Variants in DSCAM observed in about 807,000 individuals in gnomAD.
DSCAM encodes the protein cell adhesion molecule DSCAM.
Under a neutral mutation model 217.7 loss-of-function variants are expected in DSCAM, and 47 were observed. That is an observed-to-expected ratio of 0.22 (90% CI 0.17 to 0.28). The LOEUF is 0.28. Ranked by LOEUF, DSCAM falls within the 10% of genes least tolerant of loss-of-function variation. The pLI is 1.00. For missense variants in DSCAM, 2,080 were observed against 2,618.3 expected (o/e 0.79, Z 4.49); for synonymous variants, 1,056 against 1,015.3 (o/e 1.04, Z -0.76).
chr21:40,599,517 CAA>C (rs1238020336), intron 3 of DSCAM, among the ~76,000 whole-genome samples: 1 of 152,026 alleles, frequency 6.6e-6, no homozygotes, highest in Non-Finnish European at 1.5e-5. Flanking sequence ...AGAAAGATCT[CAA>C]ATCGACACCC....
In DSCAM at chr21:40,646,417, A is replaced by T. The variant is rs1301993818; in HGVS notation, c.508+46393T>A. On this transcript the variant is annotated intron_variant, in intron 3 of 32. Transcript: ENST00000400454. ...CAGAGTGAGAGACTCTGTCAAAAAA[A>T]AAAAAAAAAAAGGGGGGCTGTTCAC... 6.6e-3 allele frequency among the ~76,000 whole-genome samples: 996 copies of T among 151,748 alleles called. 14 individuals are homozygous for T. The highest frequency in any genetic ancestry group is 0.022 in the African/African-American group (921 of 41,312).
intron 19 of DSCAM, among the ~76,000 whole-genome samples, 192 bp downstream of exon 19, chr21:40,133,662 G>A (rs370599015): frequency 1.3e-5 from 2 of 151,946 alleles, no homozygotes; most frequent in African/African-American, 4.8e-5. Flanking sequence ...GGAAGAAGAA[G>A]CAATGGATTA....
Position 40,157,360 on chromosome 21 carries a change from G to C in DSCAM, c.3018+9858C>G, listed in dbSNP as rs553296311. On this transcript the variant is annotated intron_variant, in intron 16 of 32. Coordinates refer to ENST00000400454, the MANE Select transcript of DSCAM (RefSeq NM_001389.5). ...TGCTGTGGACAGAACCAGCATGTGA[G>C]GTAGAACTTACTGGGTGTGCTGCAG... Among the ~76,000 whole-genome samples the C allele has an allele frequency of 3.3e-5, 5 of 152,304 alleles. No homozygotes were observed. The East Asian group carries it at 9.7e-4, about 29-fold the overall frequency.
In DSCAM at chr21:40,353,794, T is replaced by C. The variant is rs746607945; in HGVS notation, c.656-51A>G. ...AGGCAGGAATGAGGAGTTGAAGTGG[T>C]CATTTAGAATTGTAGGACTTCATGT... On this transcript the variant is annotated intron_variant, in intron 4 of 32. Coordinates refer to ENST00000400454, the MANE Select transcript of DSCAM (RefSeq NM_001389.5). 4.2e-6 allele frequency: 6 copies of C among 1,427,604 alleles called. No individual in the cohort carries two copies. The South Asian group carries it at 9.2e-5, about 22-fold the overall frequency. The allele number at this position is 1,427,604 out of a possible 1,614,324, so 88.4% of individuals were successfully genotyped here.
At chr21:40,350,909 A>ATTTT (rs2074623935) in intron 5 of DSCAM, among the ~76,000 whole-genome samples, 1 of 74,584 alleles carries the variant, frequency 1.3e-5, no homozygotes, top group Admixed American at 1.9e-4. Context: ...TTTTTTTAGA[A>ATTTT]TTGGGGCCTT....
chr21:40,831,474 C>G (rs2092011738), intron 1 of DSCAM, among the ~76,000 whole-genome samples: 1 of 152,210 alleles, frequency 6.6e-6, no homozygotes, highest in African/African-American at 2.4e-5. Flanking sequence ...CGCTTACTAA[C>G]AAAACTAATT....
chr21:40,192,390 G>A (rs902540751), intron 11 of DSCAM, among the ~76,000 whole-genome samples: 1 of 152,176 alleles, frequency 6.6e-6, no homozygotes, highest in Non-Finnish European at 1.5e-5. Flanking sequence ...TCGTGATAGT[G>A]AGTGAGGTCT....
intron 3 of DSCAM, among the ~76,000 whole-genome samples, chr21:40,674,513 G>A (rs896444520): frequency 2.0e-5 from 3 of 151,646 alleles, no homozygotes; most frequent in African/African-American, 7.3e-5. Flanking sequence ...AAACCTCCAT[G>A]TACCATCCCC....
At chr21:40,433,939 T>G (rs1209471225) in intron 3 of DSCAM, among the ~76,000 whole-genome samples, 1 of 152,180 alleles carries the variant, frequency 6.6e-6, no homozygotes, top group African/African-American at 2.4e-5. Flanking sequence ...GTGGATAATA[T>G]CACCTGCGTT....
intron 10 of DSCAM, among the ~76,000 whole-genome samples, chr21:40,285,361 G>A (rs543970197): frequency 6.6e-6 from 1 of 152,308 alleles, no homozygotes; most frequent in South Asian, 2.1e-4. Flanking sequence ...AAATAAATGA[G>A]GGGGAAAGAT....
At chr21:40,477,885 G>T (rs1470941456) in intron 3 of DSCAM, among the ~76,000 whole-genome samples, 1 of 152,022 alleles carries the variant, frequency 6.6e-6, no homozygotes, top group Non-Finnish European at 1.5e-5. Context: ...CTAGAGAAGA[G>T]TACATTTAAC....
chr21:40,423,073 C>T (rs2123823856), intron 3 of DSCAM, among the ~76,000 whole-genome samples: 1 of 152,202 alleles, frequency 6.6e-6, no homozygotes, highest in Non-Finnish European at 1.5e-5. Flanking sequence ...CCTGGCAACC[C>T]GAGTGTTCCA....
chr21:40,214,167 C>T (rs1017724278), intron 11 of DSCAM, among the ~76,000 whole-genome samples: 3 of 152,212 alleles, frequency 2.0e-5, no homozygotes, highest in African/African-American at 7.2e-5. Flanking sequence ...GCCCAGCCCA[C>T]TTAGGCTATA....
At chr21:40,826,164 C>T (rs561532195) in intron 1 of DSCAM, among the ~76,000 whole-genome samples, 2 of 152,338 alleles carry the variant, frequency 1.3e-5, no homozygotes, top group South Asian at 2.1e-4. Context: ...AAGGAGGCCA[C>T]TTTGTTTTAG....
chr21:40,052,235 T>G, intron 29 of DSCAM, 128 bp from the exon 30 acceptor site: 4 of 1,000,410 alleles, frequency 4.0e-6, no homozygotes, highest in Admixed American at 2.8e-5. Context: ...CCATCTAAAG[T>G]GACAAAAATG....
intron 3 of DSCAM, among the ~76,000 whole-genome samples, chr21:40,431,786 G>T (rs2075535014): frequency 6.6e-6 from 1 of 152,194 alleles, no homozygotes; most frequent in African/African-American, 2.4e-5. Context: ...GGCTGCCTGA[G>T]CAGTCAGTAC....
At chr21:40,286,568 A>G (rs1283848796) in intron 10 of DSCAM, among the ~76,000 whole-genome samples, 1 of 152,250 alleles carries the variant, frequency 6.6e-6, no homozygotes, top group Non-Finnish European at 1.5e-5. Context: ...GCTTTCCCAG[A>G]GGAAAAACAA....
chr21:40,069,875 C>T (rs1034678082), intron 27 of DSCAM, among the ~76,000 whole-genome samples: 2 of 152,036 alleles, frequency 1.3e-5, no homozygotes, highest in Admixed American at 1.3e-4. Context: ...AAAACTGTGG[C>T]AGACATATAT....
chr21:40,556,803 C>A (rs1390566745), intron 3 of DSCAM, among the ~76,000 whole-genome samples: 2 of 152,162 alleles, frequency 1.3e-5, no homozygotes, highest in African/African-American at 4.8e-5. Context: ...CTAGGCCCCA[C>A]CTCCAACATC....
Sources: allele counts gnomAD v4.1 joint callset (sites outside exome capture counted in the v4.1 genomes callset), GRCh38; gene constraint gnomAD v4.1.1; transcripts MANE v1.5; gene names NCBI Gene and HGNC (gene_info 2026-07-23, HGNC 2026-07-21).